The following GAB2 variants were observed in gnomAD, a reference collection of about 807,000 sequenced individuals.
The protein encoded by GAB2 is GRB2 associated binding protein 2.
In GAB2, 26 loss-of-function variants were observed where a neutral mutation model predicts 65.5. The ratio of observed to expected loss-of-function variants is 0.40; its 90% confidence interval spans 0.29 to 0.55. The LOEUF (loss-of-function observed/expected upper bound fraction) is 0.55, where lower values mean the gene tolerates loss of function less well. Among genes scored for constraint, GAB2 ranks in the 20% least tolerant of loss-of-function variants. The probability of loss-of-function intolerance (pLI) is 0.53; values close to 1 mark genes in which losing one functional copy is unlikely to be tolerated. For synonymous variants in GAB2, 321 were observed against 329.6 expected, an observed-to-expected ratio of 0.97 and a Z score of 0.28; for missense variants, 884 against 875.8, an observed-to-expected ratio of 1.01 and a Z score of -0.12.
At position 78,401,505 on chromosome 11, in the gene GAB2, CGTGTGTGTGTGTGTGTGT is replaced by C. The variant is rs34474918; in HGVS notation, c.75+16123_75+16140del. On this transcript the variant is annotated intron_variant, in intron 1 of 9. Coordinates refer to ENST00000361507, the MANE Select transcript of GAB2 (RefSeq NM_080491.3). ...TTCCCTTTTAAGGCTGAACAGTATTCGTGTGTGTGTGTGTGTGTGTGTGTGTGTGTGTGTGTGTGTGTC... is the reference window on the plus strand; with the variant it reads ...TTCCCTTTTAAGGCTGAACAGTATTCGTGTGTGTGTGTGTGTGTGTGTGTC... Among the ~76,000 whole-genome samples the C allele has an allele frequency of 9.5e-4, 119 of 125,010 alleles. 1 individual carries two copies. Among genetic ancestry groups the C allele is most frequent in the Admixed American group, 2.0e-3 (24 of 12,036 alleles). The allele number at this position is 125,010 out of a possible 152,430, so 82.0% of individuals were successfully genotyped here.
chr11:78,387,002 C>T (rs1443277027), intron 1 of GAB2, among the ~76,000 whole-genome samples: 9 of 152,124 alleles, frequency 5.9e-5, no homozygotes, highest in Non-Finnish European at 8.8e-5. Context: ...TAGATTTAGA[C>T]ATTAAACAAA....
In GAB2 at chr11:78,283,551, C is replaced by T. The variant is rs551065246; in HGVS notation, c.76-2650G>A. 7.8e-4 allele frequency among the ~76,000 whole-genome samples: 119 copies of T among 152,282 alleles called. 2 individuals carry two copies. In the South Asian group the frequency reaches 0.024, roughly 30 times the overall value. On this transcript the variant is annotated intron_variant, in intron 1 of 9. Transcript: ENST00000361507. ...TATATACTACTAATCTTTGTTTCCT[C>T]CCCTCCTATTCGAAGGCACTATAAT...
intron 1 of GAB2, among the ~76,000 whole-genome samples, chr11:78,342,111 G>A (rs1364737386): frequency 1.3e-5 from 2 of 152,154 alleles, no homozygotes; most frequent in Admixed American, 1.3e-4. Context: ...CACCTTCTGT[G>A]CAAATGCAAA....
intron 2 of GAB2, among the ~76,000 whole-genome samples, chr11:78,254,965 A>C (rs530824766): frequency 1.3e-5 from 2 of 152,138 alleles, no homozygotes; most frequent in African/African-American, 4.8e-5. Context: ...TACTAGGTTT[A>C]CTAGTGTCCT....
At chr11:78,383,822 G>C (rs911067687) in intron 1 of GAB2, among the ~76,000 whole-genome samples, 3 of 152,120 alleles carry the variant, frequency 2.0e-5, no homozygotes, top group Non-Finnish European at 2.9e-5. Flanking sequence ...AGGTCTCTGG[G>C]AGGTGGAGGG....
Position 78,270,290 on chromosome 11 carries a change from C to T in GAB2, c.376+10311G>A, listed in dbSNP as rs192676904. On this transcript the variant is annotated intron_variant, in intron 2 of 9. Transcript: ENST00000361507. ...TGGAGGTTGCAGTGAGCTGAGATCG[C>T]GCCACTGCACTCCAGCCTGGGCAAC... Among the ~76,000 whole-genome samples, 499 of 151,248 alleles carry T rather than the reference C, an allele frequency of 3.3e-3. 2 individuals are homozygous for T. The highest frequency in any genetic ancestry group is 0.011 in the African/African-American group (469 of 41,096).
chr11:78,296,520 T>C (rs1196599168), intron 1 of GAB2, among the ~76,000 whole-genome samples: 2 of 151,984 alleles, frequency 1.3e-5, no homozygotes, highest in Admixed American at 6.6e-5. Context: ...ACTTCAGCAC[T>C]ATGCTTGGGG....
At chr11:78,408,671 T>C (rs1205942784) in intron 1 of GAB2, among the ~76,000 whole-genome samples, 2 of 152,250 alleles carry the variant, frequency 1.3e-5, no homozygotes, top group Admixed American at 6.5e-5. Context: ...TCCCCAAATA[T>C]TGGAGGTGGG....
chr11:78,228,203 G>T (rs2134473495), intron 3 of GAB2, among the ~76,000 whole-genome samples: 1 of 152,282 alleles, frequency 6.6e-6, no homozygotes, highest in African/African-American at 2.4e-5. Flanking sequence ...TCACAAGAGT[G>T]GTTTTCAAAC....
At chr11:78,221,915 G>A in intron 7 of GAB2, 136 bp from the exon 8 acceptor site, 1 of 686,546 alleles carries the variant, frequency 1.5e-6, no homozygotes. Context: ...ATTAAGATCT[G>A]ATATAGGGCA....
intron 1 of GAB2, among the ~76,000 whole-genome samples, chr11:78,335,546 A>G (rs1855983196): frequency 6.6e-6 from 1 of 152,128 alleles, no homozygotes; most frequent in Non-Finnish European, 1.5e-5. Flanking sequence ...AAATGAGTTC[A>G]CTGTAGGTAT....
chr11:78,392,236 T>G (rs1359166826), intron 1 of GAB2: 1 of 149,370 alleles, frequency 6.7e-6, no homozygotes, highest in Non-Finnish European at 1.5e-5. Flanking sequence ...AGACTCCTTC[T>G]CGAACAAAAA....
chr11:78,317,874 G>A (rs919814423), intron 1 of GAB2, among the ~76,000 whole-genome samples: 12 of 152,090 alleles, frequency 7.9e-5, no homozygotes, highest in Non-Finnish European at 1.5e-4. Context: ...AAAAGAAGAA[G>A]AAGATTAAAC....
chr11:78,256,806 A>C (rs1865607343), intron 2 of GAB2, among the ~76,000 whole-genome samples: 2 of 152,204 alleles, frequency 1.3e-5, no homozygotes, highest in South Asian at 4.1e-4. Context: ...AGAAGAAAAG[A>C]ATGGTGAAAA....
At chr11:78,262,676 C>T (rs1455022106) in intron 2 of GAB2, among the ~76,000 whole-genome samples, 2 of 152,188 alleles carry the variant, frequency 1.3e-5, no homozygotes, top group East Asian at 1.9e-4. Flanking sequence ...AGTTTCCCTA[C>T]TCATCTCCCA....
rs556967928 is a variant in GAB2, at chr11:78,274,009, T to G, written c.376+6592A>C. Among the ~76,000 whole-genome samples, 307 of 152,346 alleles carry G rather than the reference T, an allele frequency of 2.0e-3. 1 individual carries two copies. Among genetic ancestry groups the G allele is most frequent in the African/African-American group, 5.9e-3 (244 of 41,576 alleles). On this transcript the variant is annotated intron_variant, in intron 2 of 9. Coordinates refer to ENST00000361507, the MANE Select transcript of GAB2 (RefSeq NM_080491.3). Reference sequence around the variant, plus strand: ...TGTAGGTCTATTAAACCTGTTTTTTTTTTTGTTTTGTTTTTGTAAATTGCC... The same window carrying G: ...TGTAGGTCTATTAAACCTGTTTTTTGTTTTGTTTTGTTTTTGTAAATTGCC...
At chr11:78,233,694 C>T (rs1399271497) in intron 3 of GAB2, among the ~76,000 whole-genome samples, 1 of 152,180 alleles carries the variant, frequency 6.6e-6, no homozygotes, top group Non-Finnish European at 1.5e-5. Flanking sequence ...GCAACCTCCA[C>T]CTCCTGGGTT....
At chr11:78,356,176 A>C (rs1253565496) in intron 1 of GAB2, among the ~76,000 whole-genome samples, 1 of 139,320 alleles carries the variant, frequency 7.2e-6, no homozygotes, top group Non-Finnish European at 1.5e-5. Flanking sequence ...CCATCTCAAA[A>C]AAAAAGAAAA....
At position 78,279,066 on chromosome 11, in the gene GAB2, C is replaced by T. The variant is rs1866257041; in HGVS notation, c.376+1535G>A. On this transcript the variant is annotated intron_variant, in intron 2 of 9. Transcript: ENST00000361507. ...AAAAACAAAAACAACCTCCATGAAA[C>T]CTATAAATGACAAAGATTTGGGGAA... is the stretch of plus-strand genomic sequence containing the variant. Among the ~76,000 whole-genome samples, 3 of 152,000 alleles carry T rather than the reference C, an allele frequency of 2.0e-5. No individual in the cohort carries two copies. In the South Asian group the frequency reaches 6.2e-4, roughly 32 times the overall value.
Sources: gnomAD v4.1 joint callset for allele counts (sites outside exome capture counted in the v4.1 genomes callset) on GRCh38, gnomAD v4.1.1 for gene constraint, MANE v1.5 for transcripts, NCBI Gene and HGNC (gene_info 2026-07-23, HGNC 2026-07-21) for gene names.